The following ADGRL3 variants were observed in gnomAD, a reference collection of about 807,000 sequenced individuals.
The protein encoded by ADGRL3 is calcium-independent alpha-latrotoxin receptor 3.
A neutral mutation model predicts 153.5 loss-of-function variants in ADGRL3; 62 were observed. The observed-to-expected ratio is 0.40, with a 90% confidence interval of 0.33 to 0.50. The LOEUF (loss-of-function observed/expected upper bound fraction) is 0.50, where lower values mean the gene tolerates loss of function less well. Among genes scored for constraint, ADGRL3 ranks in the 20% least tolerant of loss-of-function variants. ADGRL3 has a pLI of 0.47. For missense variants in ADGRL3, 1,641 were observed against 1,859.4 expected, an observed-to-expected ratio of 0.88 and a Z score of 2.16; for synonymous variants, 710 against 672.5, an observed-to-expected ratio of 1.06 and a Z score of -0.86.
intron 12 of ADGRL3, among the ~76,000 whole-genome samples, chr4:61,911,300 TG>T (rs2098720791): frequency 6.6e-6 from 1 of 152,192 alleles, no homozygotes; most frequent in South Asian, 2.1e-4. Context: ...ACATTCTAAC[TG>T]GCTACAGCTA....
At chr4:61,418,531 T>C (rs570148357) in intron 2 of ADGRL3, among the ~76,000 whole-genome samples, 112 of 150,344 alleles carry the variant, frequency 7.4e-4, no homozygotes, top group Middle Eastern at 6.8e-3. Context: ...TTTTGCAGTA[T>C]GTTTTTCTTC....
At chr4:61,896,375 A>G (rs1267690420) in intron 11 of ADGRL3, among the ~76,000 whole-genome samples, 2 of 152,190 alleles carry the variant, frequency 1.3e-5, no homozygotes, top group African/African-American at 4.8e-5. Context: ...CATTACAAAC[A>G]GAGACCAGAT....
chr4:61,420,998 G>A (rs975188279), intron 2 of ADGRL3, among the ~76,000 whole-genome samples: 3 of 151,954 alleles, frequency 2.0e-5, no homozygotes, highest in African/African-American at 7.2e-5. Context: ...TAAAATACTT[G>A]TCTGTATTTT....
chr4:61,448,810 GGGAA>G (rs1354187900), intron 2 of ADGRL3, among the ~76,000 whole-genome samples: 3 of 113,914 alleles, frequency 2.6e-5, no homozygotes, highest in Non-Finnish European at 3.7e-5. Context: ...GAGGAAGGGA[GGGAA>G]GGAAGGAAGG....
At chr4:61,448,021 T>C (rs1489106496) in intron 2 of ADGRL3, among the ~76,000 whole-genome samples, 1 of 152,182 alleles carries the variant, frequency 6.6e-6, no homozygotes, top group Non-Finnish European at 1.5e-5. Context: ...ATGTCCTGCC[T>C]AGAGCAGTTG....
chr4:61,391,368 TTA>T (rs1474512234), intron 2 of ADGRL3, among the ~76,000 whole-genome samples: 1 of 152,126 alleles, frequency 6.6e-6, no homozygotes, highest in African/African-American at 2.4e-5. Flanking sequence ...AACTCACTCC[TTA>T]CCTCAAGAAG....
chr4:61,466,210 T>C (rs2152646608), intron 2 of ADGRL3, among the ~76,000 whole-genome samples: 1 of 152,318 alleles, frequency 6.6e-6, no homozygotes, highest in South Asian at 2.1e-4. Flanking sequence ...AAGTTGATAG[T>C]AACATTTAAA....
At chr4:61,477,563 T>G (rs1179907017) in intron 2 of ADGRL3, among the ~76,000 whole-genome samples, 1 of 152,184 alleles carries the variant, frequency 6.6e-6, no homozygotes, top group African/African-American at 2.4e-5. Flanking sequence ...CTTCCCAATT[T>G]CATTGTATAT....
intron 5 of ADGRL3, among the ~76,000 whole-genome samples, chr4:61,597,580 T>C (rs560801096): frequency 6.6e-6 from 1 of 151,912 alleles, no homozygotes; most frequent in Non-Finnish European, 1.5e-5. Context: ...AAACATTTTT[T>C]AAAATATCAT....
chr4:61,358,596 CAAA>C (rs71211377), intron 1 of ADGRL3, among the ~76,000 whole-genome samples: 5 of 96,862 alleles, frequency 5.2e-5, no homozygotes, highest in South Asian at 3.7e-4. Flanking sequence ...GACTCCGTCT[CAAA>C]AAAAAAAAAA....
chr4:62,036,520 C>T (rs775663388), intron 23 of ADGRL3, among the ~76,000 whole-genome samples: 4 of 152,052 alleles, frequency 2.6e-5, no homozygotes, highest in Non-Finnish European at 1.5e-5. Context: ...TTTAATTCTC[C>T]TATATCTTTG....
At chr4:61,215,659 C>G (rs981539985) in intron 1 of ADGRL3, among the ~76,000 whole-genome samples, 1 of 148,498 alleles carries the variant, frequency 6.7e-6, no homozygotes, top group African/African-American at 2.5e-5. Flanking sequence ...TCACGCCATT[C>G]TCCTGCCTCA....
rs1008161640 is a variant in ADGRL3 at position 61,200,936 on chromosome 4, G to C, written c.-1069G>C. ...CGCAGCCCTCGGCGGCCGGGCGCCC[G>C]CTCTGTCTGCGCGCCCCCTCCGTGC... On this transcript the variant is annotated 5_prime_UTR_variant, in exon 1 of 27. Transcript: ENST00000683033. Among the ~76,000 whole-genome samples the C allele has an allele frequency of 1.3e-5, 2 of 151,676 alleles. No homozygotes were observed. The highest frequency in any genetic ancestry group is 2.9e-5 in the Non-Finnish European group (2 of 67,850).
At chr4:61,313,628 TAA>T (rs2095097081) in intron 1 of ADGRL3, among the ~76,000 whole-genome samples, 1 of 152,108 alleles carries the variant, frequency 6.6e-6, no homozygotes, top group Non-Finnish European at 1.5e-5. Context: ...GTGATGTAAA[TAA>T]AAGTTAAGTT....
At chr4:61,491,585 C>A (rs993038881) in intron 2 of ADGRL3, among the ~76,000 whole-genome samples, 2 of 151,908 alleles carry the variant, frequency 1.3e-5, no homozygotes, top group African/African-American at 4.8e-5. Flanking sequence ...TATATCATTT[C>A]TTTTTCATTA....
intron 9 of ADGRL3, among the ~76,000 whole-genome samples, chr4:61,891,894 T>G (rs1048859130): frequency 6.6e-6 from 1 of 152,202 alleles, no homozygotes; most frequent in Non-Finnish European, 1.5e-5. Context: ...GCCTATTCCT[T>G]GGAAACATAG....
chr4:61,686,004 A>T lies in ADGRL3; in HGVS notation c.583+9069A>T, dbSNP rs573163953. Among the ~76,000 whole-genome samples the T allele has an allele frequency of 9.1e-4, 130 of 142,976 alleles. 3 individuals are homozygous for T. In the South Asian group the frequency reaches 0.03, roughly 33 times the overall value. 93.8% of individuals were successfully genotyped at this position (142,976 alleles called of 152,430 possible). Reference sequence around the variant, plus strand: ...GGAATCGAGATGAATTGAGAGCATTAAAAAATTAGTTGGATTGACAGAGTT... The same window carrying T: ...GGAATCGAGATGAATTGAGAGCATTTAAAAATTAGTTGGATTGACAGAGTT... On this transcript the variant is annotated intron_variant, in intron 6 of 26. Coordinates refer to ENST00000683033, the MANE Select transcript of ADGRL3 (RefSeq NM_001387552.1).
chr4:61,595,730 G>A (rs1313497457), intron 5 of ADGRL3, among the ~76,000 whole-genome samples: 3 of 152,078 alleles, frequency 2.0e-5, no homozygotes, highest in African/African-American at 7.2e-5. Flanking sequence ...CTAGCACTAG[G>A]AATTGCAGTC....
At chr4:61,966,070 A>T (rs906207120) in intron 17 of ADGRL3, among the ~76,000 whole-genome samples, 137 of 152,332 alleles carry the variant, frequency 9.0e-4, no homozygotes, top group Non-Finnish European at 1.7e-3. Flanking sequence ...ATGAGAATGT[A>T]AAAAAGATAG....
Sources: gnomAD v4.1 joint callset for allele counts (sites outside exome capture counted in the v4.1 genomes callset) on GRCh38, gnomAD v4.1.1 for gene constraint, MANE v1.5 for transcripts, NCBI Gene and HGNC (gene_info 2026-07-23, HGNC 2026-07-21) for gene names.